Variants in DHX29 observed in about 807,000 individuals in gnomAD.
DHX29 encodes the protein DExH-box helicase 29.
A neutral mutation model predicts 167.9 loss-of-function variants in DHX29; 79 were observed. That is an observed-to-expected ratio of 0.47 (90% CI 0.39 to 0.57). DHX29 has a LOEUF of 0.57. Among genes scored for constraint, DHX29 ranks in the 20% least tolerant of loss-of-function variants. The pLI is 0.00. For missense variants in DHX29, 1,347 were observed against 1,593.4 expected (o/e 0.85, Z 2.63); for synonymous variants, 530 against 546.0 (o/e 0.97, Z 0.41).
chr5:55,294,590 G>A (rs554447976), intron 5 of DHX29, among the ~76,000 whole-genome samples: 1 of 152,328 alleles, frequency 6.6e-6, no homozygotes, highest in African/African-American at 2.4e-5. Flanking sequence ...CAGGAGAATG[G>A]CGTGAAGCCA....
At chr5:55,272,354 GCTTA>G (rs762432485) in intron 17 of DHX29, among the ~76,000 whole-genome samples, 179 bp from the exon 18 acceptor site, 1 of 152,098 alleles carries the variant, frequency 6.6e-6, no homozygotes, top group Non-Finnish European at 1.5e-5. Flanking sequence ...TGTCAGCTTA[GCTTA>G]CTAATTAGAC....
intron 10 of DHX29, 75 bp from the exon 11 acceptor site, chr5:55,283,886 G>A: frequency 8.1e-7 from 1 of 1,232,946 alleles, no homozygotes. Flanking sequence ...CACTTAAAAG[G>A]ATAGCTATAT....
At chr5:55,305,176 A>G (rs1748799747) in intron 1 of DHX29, among the ~76,000 whole-genome samples, 1 of 152,258 alleles carries the variant, frequency 6.6e-6, no homozygotes, top group East Asian at 1.9e-4. Flanking sequence ...ATAATTCTTT[A>G]CATATCATAA....
At chr5:55,300,492 GC>G (rs1405250521) in intron 1 of DHX29, among the ~76,000 whole-genome samples, 1 of 152,122 alleles carries the variant, frequency 6.6e-6, no homozygotes, top group Non-Finnish European at 1.5e-5. Context: ...GGCCAATATG[GC>G]AAAACCCCAT....
At chr5:55,275,342 G>A (rs368556687) in intron 14 of DHX29, among the ~76,000 whole-genome samples, 87 of 152,274 alleles carry the variant, frequency 5.7e-4, no homozygotes, top group African/African-American at 1.7e-3. Flanking sequence ...GCCAGGCCAA[G>A]AGAGGTCATA....
In DHX29 at chr5:55,272,104, T is replaced by G; in HGVS notation, c.2847A>C (p.Gly949=). 1 of 1,580,698 alleles carries G rather than the reference T, an allele frequency of 6.3e-7. No homozygotes were observed. Among genetic ancestry groups the G allele is most frequent in the Non-Finnish European group, 8.6e-7 (1 of 1,160,510 alleles). The change falls in exon 18 of 27, where the codon GGA becomes GGC. Residue 949 remains glycine (G), a synonymous_variant. Transcript: ENST00000251636. Reference sequence around the variant, plus strand: ...AAACTTACTTATTTTCTTTTGTTCTTCCAGTATCAATTACAAATACAACAT... The same window carrying G: ...AAACTTACTTATTTTCTTTTGTTCTGCCAGTATCAATTACAAATACAACAT... The part of the protein sequence containing the change: ...IPDVVFVIDT[G]RTKENKYHES...
Position 55,296,287 on chromosome 5 carries a change from G to C in DHX29, c.438C>G (p.Thr146=), listed in dbSNP as rs760411525. 6.2e-7 allele frequency: 1 copy of C among 1,613,560 alleles called. No individual in the cohort carries two copies. The highest frequency in any genetic ancestry group is 1.3e-5 in the African/African-American group (1 of 74,986). Residue 146 remains threonine (T), a synonymous_variant, in exon 4 of 27, where the codon ACC becomes ACG. Transcript: ENST00000251636. ...FKTKDIEDAM[T]NTLLYGGDLH... Reference sequence around the variant, plus strand: ...GGTCACCTCCATATAAGAGTGTATTGGTCATGGCATCTTCAATGTCCTTTG... The same window carrying C: ...GGTCACCTCCATATAAGAGTGTATTCGTCATGGCATCTTCAATGTCCTTTG...
rs377244186 is a variant in DHX29, at chr5:55,283,592, T to C, written c.1576A>G (p.Asn526Asp). 1.4e-4 allele frequency: 225 copies of C among 1,614,032 alleles called. No homozygotes were observed. The highest frequency in any genetic ancestry group is 1.8e-4 in the Non-Finnish European group (212 of 1,180,034). The change falls in exon 11 of 27, where the codon AAT becomes GAT. Residue 526 changes from asparagine (N) to aspartate (D), a missense_variant. Asn to Asp is a conservative substitution (Grantham distance 23). This residue lies in a region of DHX29 where 882 missense variants were observed against 1,082.4 expected (regional missense o/e 0.81). Coordinates refer to ENST00000251636, the MANE Select transcript of DHX29 (RefSeq NM_019030.4). ...NSEDPEESWE[N>D]LVSDEDFSAL... ...GAAAAATCCTCATCCGAAACTAAAT[T>C]TTCCCAAGATTCCTCGGGATCTTCA...
chr5:55,306,143 T>C (rs966222192), intron 1 of DHX29, among the ~76,000 whole-genome samples: 7 of 152,242 alleles, frequency 4.6e-5, no homozygotes, highest in African/African-American at 1.7e-4. Context: ...ATGCTAACTC[T>C]GTAGCTAACA....
chr5:55,303,312 G>A (rs1316268924), intron 1 of DHX29, among the ~76,000 whole-genome samples: 1 of 152,138 alleles, frequency 6.6e-6, no homozygotes, highest in Non-Finnish European at 1.5e-5. Flanking sequence ...TCAGGCAAGG[G>A]ACCCAAACAG....
At chr5:55,273,408 A>G (rs779045678) in intron 16 of DHX29, 31 bp from the exon 17 acceptor site, 7 of 1,518,394 alleles carry the variant, frequency 4.6e-6, no homozygotes, top group Non-Finnish European at 6.2e-6. Flanking sequence ...TCTTAGCAAG[A>G]GTTTCTCTTT....
At chr5:55,281,765 G>A (rs908185810) in intron 11 of DHX29, among the ~76,000 whole-genome samples, 1 of 151,222 alleles carries the variant, frequency 6.6e-6, no homozygotes, top group Non-Finnish European at 1.5e-5. Flanking sequence ...TTCATATTTT[G>A]GCAAATTTGA....
intron 23 of DHX29, among the ~76,000 whole-genome samples, chr5:55,266,123 C>T (rs963904310): frequency 2.6e-5 from 4 of 151,864 alleles, no homozygotes; most frequent in Non-Finnish European, 4.4e-5. Flanking sequence ...CTCAGCCTCC[C>T]GAGTATTTGG....
intron 1 of DHX29, among the ~76,000 whole-genome samples, chr5:55,306,456 A>T (rs1374300895): frequency 2.0e-5 from 3 of 152,160 alleles, no homozygotes; most frequent in African/African-American, 7.2e-5. Context: ...GAGAAAAATT[A>T]GATTACCCTG....
chr5:55,292,690 T>C (rs564150723), intron 6 of DHX29, among the ~76,000 whole-genome samples: 5 of 152,182 alleles, frequency 3.3e-5, no homozygotes, highest in Admixed American at 6.5e-5. Context: ...TACTCATCTA[T>C]ACATCTTATC....
intron 23 of DHX29, among the ~76,000 whole-genome samples, 190 bp from the exon 24 acceptor site, chr5:55,263,122 TCTC>T (rs900200732): frequency 6.6e-6 from 1 of 152,094 alleles, no homozygotes; most frequent in Non-Finnish European, 1.5e-5. Context: ...AATCAGCTAT[TCTC>T]CTCACCCAAA....
intron 2 of DHX29, among the ~76,000 whole-genome samples, chr5:55,297,786 A>C (rs1748397029): frequency 6.6e-6 from 1 of 152,200 alleles, no homozygotes. Context: ...TGAACACTAT[A>C]CTAAAAACGG....
At position 55,294,091 on chromosome 5, in the gene DHX29, A is replaced by G. The variant is rs769647725; in HGVS notation, c.706T>C (p.Tyr236His). The change falls in exon 6 of 27, where the codon TAT (tyrosine) becomes CAT (histidine). Residue 236 changes from tyrosine (Y) to histidine (H), a missense_variant. Tyr to His is a moderately conservative substitution (Grantham distance 83, BLOSUM62 2). Around this residue, in one of 3 missense-constraint regions of DHX29, gnomAD observed 405 missense variants for 416.8 expected, o/e 0.97. Transcript: ENST00000251636. ...EVNMKEWILR[Y>H]AEQQNEEEKN... Reference sequence around the variant, plus strand: ...TCTTCTTCATTTTGTTGTTCAGCATATCGTAAAATCCACTCTTTCATATTT... The same window carrying G: ...TCTTCTTCATTTTGTTGTTCAGCATGTCGTAAAATCCACTCTTTCATATTT... The G allele has an allele frequency of 3.1e-6, 5 of 1,606,680 alleles. No individual in the cohort carries two copies. The highest frequency in any genetic ancestry group is 2.2e-5 in the East Asian group (1 of 44,678).
intron 5 of DHX29, chr5:55,295,007 A>C: frequency 5.9e-6 from 1 of 168,214 alleles, no homozygotes; most frequent in East Asian, 1.7e-4. Context: ...TATGTGAGGA[A>C]ACCCAAGCTA....
Sources: allele counts gnomAD v4.1 joint callset (sites outside exome capture counted in the v4.1 genomes callset), GRCh38; gene constraint gnomAD v4.1.1; regional missense constraint gnomAD v4.1.1; transcripts MANE v1.5; gene names NCBI Gene and HGNC (gene_info 2026-07-23, HGNC 2026-07-21).